OLFML2A: variants seen among roughly 807,000 people sequenced by gnomAD.
The protein encoded by OLFML2A is olfactomedin-like protein 2A.
In OLFML2A, 47 loss-of-function variants were observed where a neutral mutation model predicts 60.9. The ratio of observed to expected loss-of-function variants is 0.77; its 90% CI spans 0.61 to 0.98. The LOEUF (loss-of-function observed/expected upper bound fraction) is 0.98. OLFML2A is among the 50% of genes least tolerant of loss of function. The pLI, the probability that OLFML2A is intolerant of heterozygous loss-of-function variation, is 0.00. For missense variants in OLFML2A, 922 were observed against 879.8 expected, an observed-to-expected ratio of 1.05 and a Z score of -0.61; for synonymous variants, 372 against 375.0, an observed-to-expected ratio of 0.99 and a Z score of 0.09.
chr9:124,782,877 A>G (rs1841387274), intron 1 of OLFML2A, among the ~76,000 whole-genome samples: 1 of 152,078 alleles, frequency 6.6e-6, no homozygotes, highest in African/African-American at 2.4e-5. Context: ...CTGGCCACAC[A>G]GAACACACCC....
chr9:124,782,763 T>A (rs753548545), intron 1 of OLFML2A, among the ~76,000 whole-genome samples: 10 of 152,232 alleles, frequency 6.6e-5, no homozygotes, highest in Non-Finnish European at 1.3e-4. Flanking sequence ...AGGTAGCACC[T>A]CATCTGAGGA....
At position 124,777,383 on chromosome 9, in the gene OLFML2A, C is replaced by T. The variant is rs746561052; in HGVS notation, c.90+23C>T. ...AAGGTACGCACGCCCCTCGGACCCG[C>T]GCGGCTCGGCGGGTAGCGGGGCGCG... On this transcript the variant is annotated intron_variant, in intron 1 of 7. Coordinates refer to ENST00000373580, the MANE Select transcript of OLFML2A (RefSeq NM_182487.4). The surrounding 1 kb of genome is among the most constrained non-coding windows in gnomAD (Gnocchi z 6.2). 11 of 1,236,206 alleles carry T rather than the reference C, an allele frequency of 8.9e-6. No homozygotes were observed. The highest frequency in any genetic ancestry group is 1.1e-5 in the Non-Finnish European group (11 of 988,612). 76.6% of individuals were successfully genotyped at this position (1,236,206 alleles called of 1,614,324 possible).
chr9:124,794,016 G>A (rs906587034), intron 2 of OLFML2A, among the ~76,000 whole-genome samples: 1 of 152,176 alleles, frequency 6.6e-6, no homozygotes, highest in Admixed American at 6.5e-5. Flanking sequence ...TCTTTCCTGG[G>A]TGACAGAGTC....
chr9:124,807,681 G>A (rs1722845931), intron 6 of OLFML2A, 100 bp from the exon 7 acceptor site: 2 of 899,624 alleles, frequency 2.2e-6, no homozygotes, highest in African/African-American at 1.7e-5. Flanking sequence ...AAAATTTCAG[G>A]AGAGATTTAA....
chr9:124,788,944 C>CT (rs1490670137), intron 2 of OLFML2A, among the ~76,000 whole-genome samples: 1 of 151,872 alleles, frequency 6.6e-6, no homozygotes, highest in Non-Finnish European at 1.5e-5. Context: ...TGCTTTTTTT[C>CT]TTTTTTGAGG....
intron 5 of OLFML2A, among the ~76,000 whole-genome samples, chr9:124,803,131 A>T (rs1001247667): frequency 1.3e-5 from 2 of 151,466 alleles, no homozygotes; most frequent in Non-Finnish European, 2.9e-5. Flanking sequence ...CTGGTCTCGA[A>T]CTCCTGACCT....
At position 124,814,022 on chromosome 9, in the gene OLFML2A, A is replaced by T. The variant is rs950793043; in HGVS notation, c.*3610A>T. 6.6e-6 allele frequency: 1 copy of T among 152,296 alleles called. No individual in the cohort carries two copies. The highest frequency in any genetic ancestry group is 2.4e-5 in the African/African-American group (1 of 41,460). 9.4% of individuals were successfully genotyped at this position (152,296 alleles called of 1,614,324 possible). A position where few individuals can be genotyped will look rare whatever the true frequency, so the allele number is the denominator to read the frequency against. ...AAGGAAGCTGTCTCGGGTGTTTCTG[A>T]ACAACGTGACTCATGAGGGGCTTTG... On this transcript the variant is annotated 3_prime_UTR_variant, in exon 8 of 8. Transcript: ENST00000373580.
intron 2 of OLFML2A, among the ~76,000 whole-genome samples, chr9:124,794,092 G>T (rs953051388): frequency 1.3e-5 from 2 of 152,190 alleles, no homozygotes; most frequent in Non-Finnish European, 2.9e-5. Context: ...AGTGGGAGAC[G>T]CAGGGTGGGG....
At chr9:124,800,171 C>T (rs1466291579) in intron 4 of OLFML2A, among the ~76,000 whole-genome samples, 1 of 152,218 alleles carries the variant, frequency 6.6e-6, no homozygotes, top group African/African-American at 2.4e-5. Context: ...TTTGGGTGAG[C>T]CGGTTGCACA....
intron 2 of OLFML2A, among the ~76,000 whole-genome samples, chr9:124,793,449 G>C (rs547067436): frequency 1.3e-5 from 2 of 152,276 alleles, no homozygotes; most frequent in African/African-American, 4.8e-5. Flanking sequence ...CCATTTCCCC[G>C]TCTGACCATG....
chr9:124,809,797 C>T lies in OLFML2A; in HGVS notation c.1355-11C>T. On this transcript the variant is annotated splice_polypyrimidine_tract_variant and intron_variant, in intron 7 of 7. Coordinates refer to ENST00000373580, the MANE Select transcript of OLFML2A (RefSeq NM_182487.4). ...CGGGAGGTCTGGGGTGACCATCGCC[C>T]TCGCCTGCAGGCCGCTGGAGTAACA... The T allele has an allele frequency of 6.3e-7, 1 of 1,584,690 alleles. No homozygotes were observed. Among genetic ancestry groups the T allele is most frequent in the Admixed American group, 1.7e-5 (1 of 58,604 alleles).
intron 1 of OLFML2A, among the ~76,000 whole-genome samples, chr9:124,780,837 C>G (rs1564280223): frequency 6.6e-6 from 1 of 152,334 alleles, no homozygotes; most frequent in East Asian, 1.9e-4. Flanking sequence ...ATTTTATGGT[C>G]TTGAACACTG....
At chr9:124,780,300 T>C (rs1841337712) in intron 1 of OLFML2A, among the ~76,000 whole-genome samples, 1 of 152,186 alleles carries the variant, frequency 6.6e-6, no homozygotes, top group South Asian at 2.1e-4. Flanking sequence ...CATCTCTACC[T>C]CAGTTTCCCC....
chr9:124,800,653 C>T (rs913633670), intron 4 of OLFML2A, among the ~76,000 whole-genome samples: 3 of 152,236 alleles, frequency 2.0e-5, no homozygotes, highest in Admixed American at 2.0e-4. Flanking sequence ...GCCTTGGCCC[C>T]CAGCTGGCTT....
chr9:124,777,395 G>C lies in OLFML2A; in HGVS notation c.90+35G>C, dbSNP rs1841277889. The C allele has an allele frequency of 8.1e-7, 1 of 1,228,692 alleles. No homozygotes were observed. Among genetic ancestry groups the C allele is most frequent in the South Asian group, 3.7e-5 (1 of 27,376 alleles). The allele number at this position is 1,228,692 out of a possible 1,614,324, so 76.1% of individuals were successfully genotyped here. A position where few individuals can be genotyped will look rare whatever the true frequency, so the allele number is the denominator to read the frequency against. On this transcript the variant is annotated intron_variant, in intron 1 of 7. Coordinates refer to ENST00000373580, the MANE Select transcript of OLFML2A (RefSeq NM_182487.4). This position sits in a 1 kb window ranked among gnomAD's most constrained non-coding sequence, Gnocchi z 6.2. ...CCCCTCGGACCCGCGCGGCTCGGCGGGTAGCGGGGCGCGAGGGGGCGCTGT... is the reference window on the plus strand; with the variant it reads ...CCCCTCGGACCCGCGCGGCTCGGCGCGTAGCGGGGCGCGAGGGGGCGCTGT...
In OLFML2A at chr9:124,807,929, C is replaced by G. The variant is rs151268992; in HGVS notation, c.1317C>G (p.Ser439Arg). 4 of 1,614,008 alleles carry G rather than the reference C, an allele frequency of 2.5e-6. No individual in the cohort carries two copies. Among genetic ancestry groups the G allele is most frequent in the African/African-American group, 1.3e-5 (1 of 74,948 alleles). ...TCACCAACTACTACTATGGAAACAGCCTGGTGGAGTTCCGCAACCTGGAAA... is the reference window on the plus strand; with the variant it reads ...TCACCAACTACTACTATGGAAACAGGCTGGTGGAGTTCCGCAACCTGGAAA... The part of the protein sequence containing the change: ...IYVTNYYYGN[S>R]LVEFRNLENF... The change falls in exon 7 of 8, where the codon AGC (serine) becomes AGG (arginine). Residue 439 changes from serine to arginine, a missense_variant. Transcript: ENST00000373580.
At position 124,795,959 on chromosome 9, in the gene OLFML2A, G is replaced by A. The variant is rs1050176331; in HGVS notation, c.462+828G>A. 7.2e-5 allele frequency among the ~76,000 whole-genome samples: 11 copies of A among 152,320 alleles called. No homozygotes were observed. In the East Asian group the frequency reaches 1.4e-3, roughly 19 times the overall value. On this transcript the variant is annotated intron_variant, in intron 3 of 7. Coordinates refer to ENST00000373580, the MANE Select transcript of OLFML2A (RefSeq NM_182487.4). ...TGCCCCTGGGGACAAGGACAGAGTTGGGCGAGCATGGGGGTCCAAGCTGCA... is the reference window on the plus strand; with the variant it reads ...TGCCCCTGGGGACAAGGACAGAGTTAGGCGAGCATGGGGGTCCAAGCTGCA...
chr9:124,780,785 A>G (rs116260499), intron 1 of OLFML2A, among the ~76,000 whole-genome samples: 23 of 152,268 alleles, frequency 1.5e-4, no homozygotes, highest in African/African-American at 5.1e-4. Context: ...AATCTTACAC[A>G]TCCCTTGTGC....
At position 124,804,225 on chromosome 9, in the gene OLFML2A, G is replaced by A; in HGVS notation, c.1051G>A (p.Ala351Thr). The change falls in exon 6 of 8, where the codon GCT becomes ACT. Residue 351 changes from alanine to threonine, a missense_variant. Transcript: ENST00000373580. ...EPRSSERVDLASGTPTSIPAT... is the reference protein window; with the variant it reads ...EPRSSERVDLTSGTPTSIPAT... Reference sequence around the variant, plus strand: ...CAGGTCCTCCGAGCGAGTGGACCTGGCTTCTGGCACCCCCACTTCAATCCC... The same window carrying A: ...CAGGTCCTCCGAGCGAGTGGACCTGACTTCTGGCACCCCCACTTCAATCCC... 1 of 1,613,848 alleles carries A rather than the reference G, an allele frequency of 6.2e-7. No individual in the cohort carries two copies. The highest frequency in any genetic ancestry group is 8.5e-7 in the Non-Finnish European group (1 of 1,179,942).
Sources: gnomAD v4.1 joint callset for allele counts (sites outside exome capture counted in the v4.1 genomes callset) on GRCh38, gnomAD v4.1.1 for gene constraint, Gnocchi (gnomAD v3.1) non-coding constraint, MANE v1.5 for transcripts, NCBI Gene and HGNC (gene_info 2026-07-23, HGNC 2026-07-21) for gene names.